Variants in CENPK observed in about 807,000 individuals in gnomAD.
CENPK encodes the protein centromere protein K.
In CENPK, 46 loss-of-function variants were observed where a neutral mutation model predicts 40.9. The ratio of observed to expected loss-of-function variants is 1.13; its 90% CI spans 0.89 to 1.44. The LOEUF (loss-of-function observed/expected upper bound fraction) is 1.44. CENPK is among the 40% of genes most tolerant of loss of function. The pLI is 0.00. For synonymous variants in CENPK, 107 were observed against 104.4 expected (o/e 1.02, Z -0.15); for missense variants, 288 against 303.5 (o/e 0.95, Z 0.38).
chr5:65,552,493 C>T lies in CENPK; in HGVS notation c.168G>A (p.Gln56=). The change falls in exon 4 of 11, where the codon CAG becomes CAA. Residue 56 remains glutamine, a splice_region_variant and synonymous_variant. Transcript: ENST00000396679. ...TTTTTAGGAAGAAAAAGATTCATAC[C>T]TGAGCATTTGAATCGGTGAGTGTTT... The part of the protein sequence containing the change: ...GTETLTDSNA[Q]LSLLIMQVKC... The T allele has an allele frequency of 6.5e-7, 1 of 1,534,916 alleles. No homozygotes were observed. The highest frequency in any genetic ancestry group is 8.8e-7 in the Non-Finnish European group (1 of 1,137,226).
the CENPK span, among the ~76,000 whole-genome samples, chr5:65,509,419 C>A: frequency 5.9e-5 from 9 of 152,192 alleles, no homozygotes; most frequent in Non-Finnish European, 1.0e-4. Flanking sequence ...CTGGCTTCTC[C>A]AACTGAGTAA....
In CENPK at chr5:65,520,220, C is replaced by T. The variant is rs977843799; in HGVS notation, c.651+1255G>A. Among the ~76,000 whole-genome samples, 4 of 152,206 alleles carry T rather than the reference C, an allele frequency of 2.6e-5. No homozygotes were observed. In the South Asian group the frequency reaches 8.3e-4, roughly 32 times the overall value. ...AGTGTGTGTGGTACCTTTCCCCCTC[C>T]CTCTTGCTCCCACTCTGGCCATGTA... On this transcript the variant is annotated intron_variant, in intron 10 of 10. Transcript: ENST00000396679.
At chr5:65,534,283 T>C (rs1190898931) in intron 6 of CENPK, among the ~76,000 whole-genome samples, 1 of 152,180 alleles carries the variant, frequency 6.6e-6, no homozygotes, top group African/African-American at 2.4e-5. Context: ...AGACTAAGTA[T>C]GTTAAAGATA....
At chr5:65,562,102 C>T (rs1481482584) in intron 1 of CENPK, among the ~76,000 whole-genome samples, 1 of 152,066 alleles carries the variant, frequency 6.6e-6, no homozygotes, top group Non-Finnish European at 1.5e-5. Context: ...AAAACCAACC[C>T]GGAAGGAATT....
At chr5:65,522,662 T>C (rs184519778) in intron 9 of CENPK, among the ~76,000 whole-genome samples, 110 of 152,282 alleles carry the variant, frequency 7.2e-4, no homozygotes, top group Middle Eastern at 3.4e-3. Context: ...AATTTTTGGC[T>C]TCAAGTGATC....
intron 6 of CENPK, among the ~76,000 whole-genome samples, chr5:65,539,999 A>G (rs1747670836): frequency 6.6e-6 from 1 of 152,188 alleles, no homozygotes; most frequent in Non-Finnish European, 1.5e-5. Flanking sequence ...TAGCCCTTAC[A>G]TTGCATTCTT....
At chr5:65,516,875 T>C (rs1742894980), downstream of CENPK, among the ~76,000 whole-genome samples, 1 of 152,176 alleles carries the variant, frequency 6.6e-6, no homozygotes, top group Non-Finnish European at 1.5e-5. Context: ...ACTGGAAGCA[T>C]ATTGACATAC....
intron 6 of CENPK, among the ~76,000 whole-genome samples, chr5:65,533,503 C>T (rs753957284): frequency 3.2e-4 from 48 of 152,128 alleles, no homozygotes; most frequent in Non-Finnish European, 3.1e-4. Flanking sequence ...TTTCCGATAA[C>T]ATCAGGAACA....
At chr5:65,515,243 G>A (rs767199708), downstream of CENPK, among the ~76,000 whole-genome samples, 146 of 129,538 alleles carry the variant, frequency 1.1e-3, no homozygotes, top group African/African-American at 3.9e-3. Flanking sequence ...TTGCTCTGTC[G>A]CCCAAGCTGG....
chr5:65,547,575 T>C (rs1365202273), intron 5 of CENPK, among the ~76,000 whole-genome samples: 2 of 152,106 alleles, frequency 1.3e-5, no homozygotes, highest in Non-Finnish European at 1.5e-5. Flanking sequence ...ATGGCTGACA[T>C]TGGCATGAAG....
At chr5:65,506,604 C>G in the CENPK span, among the ~76,000 whole-genome samples, 1 of 151,950 alleles carries the variant, frequency 6.6e-6, no homozygotes, top group African/African-American at 2.4e-5. Flanking sequence ...GCCAACATGG[C>G]GAAACCCTGT....
At chr5:65,498,333 G>A in the CENPK span, among the ~76,000 whole-genome samples, 1 of 151,832 alleles carries the variant, frequency 6.6e-6, no homozygotes, top group South Asian at 2.1e-4. Flanking sequence ...TTTTTTGTAC[G>A]TGATTGCTTT....
At chr5:65,524,133 T>C (rs909452518) in intron 9 of CENPK, among the ~76,000 whole-genome samples, 14 of 151,794 alleles carry the variant, frequency 9.2e-5, no homozygotes, top group Non-Finnish European at 1.9e-4. Flanking sequence ...CCTAGCACTT[T>C]GCGAGGCCAA....
the CENPK span, among the ~76,000 whole-genome samples, chr5:65,509,706 C>G: frequency 6.6e-6 from 1 of 152,276 alleles, no homozygotes; most frequent in East Asian, 1.9e-4. Context: ...ATGAGTTTCC[C>G]TTTACAGACA....
the CENPK span, among the ~76,000 whole-genome samples, chr5:65,509,926 A>C: frequency 6.6e-6 from 1 of 152,234 alleles, no homozygotes; most frequent in African/African-American, 2.4e-5. Context: ...ATCAAGAACT[A>C]CATCTATATA....
chr5:65,549,352 C>G (rs954622845), intron 5 of CENPK, among the ~76,000 whole-genome samples: 1 of 152,080 alleles, frequency 6.6e-6, no homozygotes, highest in African/African-American at 2.4e-5. Context: ...TTCTTAAGGG[C>G]CCTAGGATTG....
In CENPK at chr5:65,554,995, T is replaced by C. The variant is rs114486230; in HGVS notation, c.-39-49A>G. ...TTCAGCAGTATTGGTTGAACACTTA[T>C]TACCTGCCAGATACTCATCTAGGGG... On this transcript the variant is annotated intron_variant, in intron 2 of 10. Transcript: ENST00000396679. The C allele has an allele frequency of 2.9e-3, 2,346 of 797,860 alleles. 34 individuals are homozygous for C. The African/African-American group carries it at 0.036, about 12-fold the overall frequency. 49.4% of individuals were successfully genotyped at this position (797,860 alleles called of 1,614,324 possible). A position where few individuals can be genotyped will look rare whatever the true frequency, so the allele number is the denominator to read the frequency against.
At chr5:65,516,578 T>C (rs984915490), downstream of CENPK, among the ~76,000 whole-genome samples, 2 of 152,176 alleles carry the variant, frequency 1.3e-5, no homozygotes, top group South Asian at 2.1e-4. Context: ...TATCAAATAG[T>C]GGTTACCCCA....
rs147711349 is a variant in CENPK at position 65,556,429 on chromosome 5, C to G, written c.-39-1483G>C. ...GTTCAAGGTTATAGTAAGCTATGAT[C>G]ACACCACTGCATTTCAGCCTGGGTG... On this transcript the variant is annotated intron_variant, in intron 2 of 10. Coordinates refer to ENST00000396679, the MANE Select transcript of CENPK (RefSeq NM_022145.5). Among the ~76,000 whole-genome samples the G allele has an allele frequency of 2.6e-3, 398 of 152,222 alleles. 2 individuals carry two copies. Among genetic ancestry groups the G allele is most frequent in the African/African-American group, 9.0e-3 (372 of 41,538 alleles).
Sources: gnomAD v4.1 joint callset for allele counts (sites outside exome capture counted in the v4.1 genomes callset) on GRCh38, gnomAD v4.1.1 for gene constraint, MANE v1.5 for transcripts, NCBI Gene and HGNC (gene_info 2026-07-23, HGNC 2026-07-21) for gene names.